Variants in PTPRD observed in about 807,000 individuals in gnomAD.
PTPRD encodes the protein receptor-type tyrosine-protein phosphatase delta.
Under a neutral mutation model 214.5 loss-of-function variants are expected in PTPRD, and 34 were observed. That is an observed-to-expected ratio of 0.16 (90% CI 0.12 to 0.21). The LOEUF (loss-of-function observed/expected upper bound fraction) is 0.21. Among genes scored for constraint, PTPRD ranks in the 10% least tolerant of loss-of-function variants. The probability of loss-of-function intolerance (pLI) is 1.00; values close to 1 mark genes in which losing one functional copy is unlikely to be tolerated. For missense variants in PTPRD, 2,545 were observed against 2,398.7 expected, an observed-to-expected ratio of 1.06 and a Z score of -1.27; for synonymous variants, 1,128 against 845.7, an observed-to-expected ratio of 1.33 and a Z score of -5.79.
chr9:9,004,817 C>T (rs1314275243), intron 11 of PTPRD, among the ~76,000 whole-genome samples: 1 of 151,926 alleles, frequency 6.6e-6, no homozygotes, highest in Admixed American at 6.6e-5. Flanking sequence ...CAGCACTGAG[C>T]CATAGCTCAG....
chr9:8,358,594 C>T (rs1174840951), intron 39 of PTPRD, among the ~76,000 whole-genome samples: 1 of 152,096 alleles, frequency 6.6e-6, no homozygotes, highest in Non-Finnish European at 1.5e-5. Context: ...ATGATACTGT[C>T]AGCAAAATAC....
intron 11 of PTPRD, among the ~76,000 whole-genome samples, chr9:8,993,593 A>C (rs1034988238): frequency 1.3e-5 from 2 of 152,144 alleles, no homozygotes; most frequent in Non-Finnish European, 2.9e-5. Context: ...TTTTCCTAAA[A>C]TTTTCAGGGA....
At chr9:10,437,701 C>T (rs897116202) in intron 2 of PTPRD, among the ~76,000 whole-genome samples, 1 of 151,462 alleles carries the variant, frequency 6.6e-6, no homozygotes, top group Non-Finnish European at 1.5e-5. Context: ...CAGATATCTT[C>T]AAAGAAGGGT....
intron 2 of PTPRD, among the ~76,000 whole-genome samples, chr9:10,598,542 G>A (rs1426171283): frequency 2.0e-5 from 3 of 151,772 alleles, no homozygotes; most frequent in African/African-American, 4.8e-5. Flanking sequence ...AAGCTGGACT[G>A]GACGTTGTCA....
At chr9:8,763,543 T>C (rs1010385711) in intron 11 of PTPRD, among the ~76,000 whole-genome samples, 2 of 151,408 alleles carry the variant, frequency 1.3e-5, no homozygotes, top group Non-Finnish European at 2.9e-5. Context: ...TATGTATTAA[T>C]ATAACATATA....
At chr9:9,614,922 A>G (rs906452219) in intron 7 of PTPRD, among the ~76,000 whole-genome samples, 2 of 152,130 alleles carry the variant, frequency 1.3e-5, no homozygotes, top group African/African-American at 4.8e-5. Context: ...ATAATAATCA[A>G]CAGAATTTGT....
At chr9:10,536,135 T>G (rs534550517) in intron 2 of PTPRD, among the ~76,000 whole-genome samples, 1 of 152,118 alleles carries the variant, frequency 6.6e-6, no homozygotes, top group Admixed American at 6.6e-5. Context: ...AGCCAAATTC[T>G]TCAGAGGCAG....
intron 39 of PTPRD, among the ~76,000 whole-genome samples, chr9:8,354,849 G>GT (rs1275617229): frequency 6.6e-6 from 1 of 152,196 alleles, no homozygotes; most frequent in Non-Finnish European, 1.5e-5. Flanking sequence ...AATTTAGGCT[G>GT]TAAGAATGTT....
intron 8 of PTPRD, among the ~76,000 whole-genome samples, chr9:9,427,859 T>C (rs1250337769): frequency 6.6e-6 from 1 of 152,080 alleles, no homozygotes; most frequent in Non-Finnish European, 1.5e-5. Flanking sequence ...GACAAACAAA[T>C]GCTGAGAGAT....
At chr9:10,403,479 C>A (rs2098309796) in intron 2 of PTPRD, among the ~76,000 whole-genome samples, 3 of 151,212 alleles carry the variant, frequency 2.0e-5, no homozygotes, top group Admixed American at 1.3e-4. Context: ...TCCACTGACT[C>A]AGCAAATGCT....
chr9:9,904,933 T>G (rs1329005708), intron 5 of PTPRD, among the ~76,000 whole-genome samples: 1 of 152,048 alleles, frequency 6.6e-6, no homozygotes, highest in African/African-American at 2.4e-5. Flanking sequence ...CCCATATTGT[T>G]ATTCAGTTCA....
chr9:10,272,814 A>G (rs896844367), intron 3 of PTPRD, among the ~76,000 whole-genome samples: 1 of 152,182 alleles, frequency 6.6e-6, no homozygotes, highest in African/African-American at 2.4e-5. Flanking sequence ...TAAAATTCTA[A>G]TATATGGTTA....
intron 11 of PTPRD, among the ~76,000 whole-genome samples, chr9:8,913,435 A>T (rs1339755556): frequency 6.6e-6 from 1 of 152,132 alleles, no homozygotes; most frequent in Non-Finnish European, 1.5e-5. Flanking sequence ...AGCATTTTGC[A>T]ACATCCATTT....
At chr9:9,617,321 T>C (rs750901403) in intron 7 of PTPRD, among the ~76,000 whole-genome samples, 16 of 152,100 alleles carry the variant, frequency 1.1e-4, no homozygotes. Context: ...AGCATGTTAT[T>C]GGAGGTAGAG....
chr9:9,891,188 C>A (rs1015409471), intron 5 of PTPRD, among the ~76,000 whole-genome samples: 2 of 152,062 alleles, frequency 1.3e-5, no homozygotes, highest in African/African-American at 2.4e-5. Flanking sequence ...GTATACATCT[C>A]CTGTTCTCTT....
intron 9 of PTPRD, among the ~76,000 whole-genome samples, chr9:9,270,638 C>T (rs1453470538): frequency 4.0e-5 from 6 of 151,210 alleles, no homozygotes; most frequent in Non-Finnish European, 7.4e-5. Context: ...AAAGAAGAGC[C>T]ATAGAAGTTA....
rs543877389 is a variant in PTPRD at position 10,389,475 on chromosome 9, T to A, written c.-599-48458A>T. 5.9e-5 allele frequency among the ~76,000 whole-genome samples: 9 copies of A among 152,022 alleles called. No individual in the cohort carries two copies. The South Asian group carries it at 1.9e-3, about 32-fold the overall frequency. ...ATGCCAGCAATCCACACACAGTAAT[T>A]TGGCATCACCTGTAACTGTTCCCTT... is the stretch of plus-strand genomic sequence containing the variant. On this transcript the variant is annotated intron_variant, in intron 2 of 45. Coordinates refer to ENST00000381196, the MANE Select transcript of PTPRD (RefSeq NM_002839.4).
chr9:9,140,631 T>A (rs1337064018), intron 10 of PTPRD, among the ~76,000 whole-genome samples: 1 of 152,190 alleles, frequency 6.6e-6, no homozygotes, highest in East Asian at 1.9e-4. Context: ...CAGGCTGGAG[T>A]GCAGAGGCGC....
intron 3 of PTPRD, among the ~76,000 whole-genome samples, chr9:10,062,184 T>C (rs375665): frequency 0.11 from 17,082 of 152,068 alleles, 2,002 homozygotes; most frequent in African/African-American, 0.3. Context: ...TAACTACATA[T>C]ATCTAGGCAT....
Sources: allele counts gnomAD v4.1 joint callset (sites outside exome capture counted in the v4.1 genomes callset), GRCh38; gene constraint gnomAD v4.1.1; transcripts MANE v1.5; gene names NCBI Gene and HGNC (gene_info 2026-07-23, HGNC 2026-07-21).